The following ANKS1B variants were observed in gnomAD, a reference collection of about 807,000 sequenced individuals.
ANKS1B encodes ankyrin repeat and sterile alpha motif domain containing 1B, also known as ankyrin repeat and sterile alpha motif domain-containing protein 1B.
A neutral mutation model predicts 148.3 loss-of-function variants in ANKS1B; 36 were observed. The ratio of observed to expected loss-of-function variants is 0.24; its 90% CI spans 0.19 to 0.32. The LOEUF (loss-of-function observed/expected upper bound fraction) is 0.32. ANKS1B is among the 10% of genes least tolerant of loss of function. The pLI is 1.00. For missense variants in ANKS1B, 1,157 were observed against 1,542.6 expected (o/e 0.75, Z 4.19); for synonymous variants, 542 against 560.8 (o/e 0.97, Z 0.47).
chr12:99,207,402 T>G (rs2082810101), intron 14 of ANKS1B, among the ~76,000 whole-genome samples: 6 of 152,054 alleles, frequency 3.9e-5, no homozygotes, highest in African/African-American at 1.4e-4. Context: ...TCAGTCATTC[T>G]TAACAAAACT....
At chr12:99,790,867 G>C (rs570169616) in intron 4 of ANKS1B, among the ~76,000 whole-genome samples, 7 of 151,820 alleles carry the variant, frequency 4.6e-5, no homozygotes, top group African/African-American at 1.7e-4. Context: ...AGAGCAGACC[G>C]CCAAAAAAAG....
rs780117380 is a variant in ANKS1B, at chr12:98,874,320, G to A, written c.2779-42184C>T. ...TATGAAGGGAAAAAAAAAATGGCAC[G>A]CCAAATTTGATTGCTTTTCTGATGG... On this transcript the variant is annotated intron_variant, in intron 17 of 26. Coordinates refer to ENST00000683438, the MANE Select transcript of ANKS1B (RefSeq NM_001352186.2). Among the ~76,000 whole-genome samples, 12 of 152,218 alleles carry A rather than the reference G, an allele frequency of 7.9e-5. No individual in the cohort carries two copies. The East Asian group carries it at 1.4e-3, about 17-fold the overall frequency.
At chr12:99,250,676 G>A (rs972209197) in intron 12 of ANKS1B, among the ~76,000 whole-genome samples, 13 of 143,780 alleles carry the variant, frequency 9.0e-5, no homozygotes, top group African/African-American at 3.5e-4. Context: ...CATTAAGTTT[G>A]GGAGGGTTTG....
At chr12:98,984,684 C>G (rs1316796126) in intron 17 of ANKS1B, among the ~76,000 whole-genome samples, 2 of 152,102 alleles carry the variant, frequency 1.3e-5, no homozygotes, top group Non-Finnish European at 2.9e-5. Context: ...ATTCTCAAAG[C>G]CCAGATTTTT....
intron 12 of ANKS1B, among the ~76,000 whole-genome samples, chr12:99,353,767 C>T (rs1315430294): frequency 6.8e-6 from 1 of 147,006 alleles, no homozygotes; most frequent in African/African-American, 2.6e-5. Flanking sequence ...TCTTCTCTAG[C>T]TTCTAGGGCC....
intron 9 of ANKS1B, chr12:99,648,117 A>C: frequency 2.6e-6 from 4 of 1,561,236 alleles, no homozygotes; most frequent in Non-Finnish European, 8.7e-7. Flanking sequence ...TGCCCGCTAA[A>C]GCATGTTAAG....
chr12:99,408,614 TA>T lies in ANKS1B; in HGVS notation c.1576-8804del, dbSNP rs1422100052. 1.4e-5 allele frequency among the ~76,000 whole-genome samples: 2 copies of T among 145,706 alleles called. 1 individual carries two copies. Among genetic ancestry groups the T allele is most frequent in the Non-Finnish European group, 3.0e-5 (2 of 65,962 alleles). The stretch of plus-strand genomic sequence containing the variant: ...AGCTATCCATCTGACAAGAGATTAA[TA>T]GCCAGAATATGTAAGGAGATCAAAA... On this transcript the variant is annotated intron_variant, in intron 11 of 26. Coordinates refer to ENST00000683438, the MANE Select transcript of ANKS1B (RefSeq NM_001352186.2).
chr12:99,014,775 C>T (rs2099941416), intron 17 of ANKS1B, among the ~76,000 whole-genome samples: 1 of 152,112 alleles, frequency 6.6e-6, no homozygotes. Context: ...GAAAAAAGCT[C>T]AACATCACTG....
chr12:99,038,521 A>C (rs2099956923), intron 17 of ANKS1B, among the ~76,000 whole-genome samples: 1 of 152,094 alleles, frequency 6.6e-6, no homozygotes, highest in Non-Finnish European at 1.5e-5. Context: ...ACAGCAGCCA[A>C]AGTGAGCCTT....
chr12:99,573,703 T>C (rs1188939849), intron 9 of ANKS1B, among the ~76,000 whole-genome samples: 1 of 151,956 alleles, frequency 6.6e-6, no homozygotes, highest in African/African-American at 2.4e-5. Context: ...ATCATTATTA[T>C]TTCACTGAAA....
chr12:99,355,749 T>A (rs1175752010), intron 12 of ANKS1B, among the ~76,000 whole-genome samples: 1 of 152,182 alleles, frequency 6.6e-6, no homozygotes, highest in Non-Finnish European at 1.5e-5. Flanking sequence ...CCCTCCCTAC[T>A]TAAGAACTAT....
rs149708663 is a variant in ANKS1B, at chr12:98,931,414, A to G, written c.2779-99278T>C. Among the ~76,000 whole-genome samples, 824 of 152,262 alleles carry G rather than the reference A, an allele frequency of 5.4e-3. 10 individuals are homozygous for G. The highest frequency in any genetic ancestry group is 0.019 in the African/African-American group (788 of 41,544). On this transcript the variant is annotated intron_variant, in intron 17 of 26. Coordinates refer to ENST00000683438, the MANE Select transcript of ANKS1B (RefSeq NM_001352186.2). The stretch of plus-strand genomic sequence containing the variant: ...AGAATAAGAAAGGGGGGAAATAACC[A>G]AATTTGAAGTTCTAGGTAAATACAA...
At chr12:99,343,208 T>C (rs909669814) in intron 12 of ANKS1B, among the ~76,000 whole-genome samples, 2 of 152,068 alleles carry the variant, frequency 1.3e-5, no homozygotes, top group African/African-American at 4.8e-5. Context: ...TTGAAACACA[T>C]TTAGTGATGA....
At chr12:99,817,678 T>C (rs899289298) in intron 2 of ANKS1B, among the ~76,000 whole-genome samples, 2 of 151,778 alleles carry the variant, frequency 1.3e-5, no homozygotes, top group African/African-American at 4.8e-5. Context: ...CCAGTAGCTA[T>C]TATATTTGTC....
At chr12:99,306,437 C>G (rs910154439) in intron 12 of ANKS1B, among the ~76,000 whole-genome samples, 1 of 151,888 alleles carries the variant, frequency 6.6e-6, no homozygotes, top group Non-Finnish European at 1.5e-5. Context: ...TGTCTCCCTA[C>G]CCCCACCCCC....
intron 1 of ANKS1B, among the ~76,000 whole-genome samples, chr12:99,957,085 CT>C (rs1350755354): frequency 1.3e-5 from 2 of 152,154 alleles, no homozygotes; most frequent in Non-Finnish European, 2.9e-5. Context: ...GTACGTGAGA[CT>C]TTAACCAAAT....
Position 99,189,673 on chromosome 12 carries a change from T to C in ANKS1B, c.2420-35278A>G, listed in dbSNP as rs146411747. 6.7e-3 allele frequency among the ~76,000 whole-genome samples: 1,026 copies of C among 152,256 alleles called. 19 individuals are homozygous for C. Among genetic ancestry groups the C allele is most frequent in the African/African-American group, 0.023 (961 of 41,544 alleles). ...TCATCTAAAAACTCAATAAGCTAGG[T>C]ATTGACGGAACTTATCTCAAAATAA... is the stretch of plus-strand genomic sequence containing the variant. On this transcript the variant is annotated intron_variant, in intron 14 of 26. Coordinates refer to ENST00000683438, the MANE Select transcript of ANKS1B (RefSeq NM_001352186.2).
intron 19 of ANKS1B, among the ~76,000 whole-genome samples, chr12:98,825,883 T>C (rs372861973): frequency 7.9e-5 from 12 of 152,260 alleles, no homozygotes; most frequent in Non-Finnish European, 7.3e-5. Context: ...TGATCTGCCA[T>C]GTGCTGTACA....
intron 25 of ANKS1B, among the ~76,000 whole-genome samples, chr12:98,770,004 C>T (rs939233157): frequency 3.3e-5 from 5 of 152,218 alleles, no homozygotes; most frequent in African/African-American, 9.6e-5. Flanking sequence ...AAATACACAT[C>T]TGACAAACCT....
Sources: gnomAD v4.1 joint callset for allele counts (sites outside exome capture counted in the v4.1 genomes callset) on GRCh38, gnomAD v4.1.1 for gene constraint, MANE v1.5 for transcripts, NCBI Gene and HGNC (gene_info 2026-07-23, HGNC 2026-07-21) for gene names.